SMAGP: variants seen among roughly 807,000 people sequenced by gnomAD.
The protein encoded by SMAGP is small cell transmembrane and glycosylated protein.
A neutral mutation model predicts 10.1 loss-of-function variants in SMAGP; 7 were observed. The observed-to-expected ratio is 0.70, with a 90% CI of 0.40 to 1.31. The LOEUF (loss-of-function observed/expected upper bound fraction) is 1.31, where lower values mean the gene tolerates loss of function less well. SMAGP is among the 50% of genes most tolerant of loss of function. The pLI, the probability that SMAGP is intolerant of heterozygous loss-of-function variation, is 0.01. For missense variants in SMAGP, 113 were observed against 116.5 expected (o/e 0.97, Z 0.14); for synonymous variants, 49 against 47.2 (o/e 1.04, Z -0.16).
intron 2 of SMAGP, among the ~76,000 whole-genome samples, chr12:51,252,233 A>G (rs927394534): frequency 6.6e-6 from 1 of 150,968 alleles, no homozygotes; most frequent in African/African-American, 2.4e-5. Flanking sequence ...AGCTGGGACT[A>G]CAGGCGCATG....
chr12:51,247,813 C>T (rs1944791872), intron 2 of SMAGP, among the ~76,000 whole-genome samples: 1 of 152,186 alleles, frequency 6.6e-6, no homozygotes, highest in East Asian at 1.9e-4. Context: ...AAAACAGACA[C>T]GGCCAGCTTC....
At position 51,245,983 on chromosome 12, in the gene SMAGP, ACT is replaced by A. The variant is rs1944763977; in HGVS notation, c.250_251del (p.Ser84Ter). On this transcript the variant is annotated frameshift_variant, in exon 4 of 4. Transcript: ENST00000603798. LOFTEE classifies it high-confidence loss of function. ...GEPSAIVQMESDLAKGSEKEE... is the reference protein window; with the variant it reads ...GEPSAIVQMEXDLAKGSEKEE... ...CTTTCTCGCTGCCCTTGGCCAAGTC[ACT>A]CTCCATCTGGACGATGGCACTGGGC... The A allele has an allele frequency of 1.2e-6, 2 of 1,613,476 alleles. No individual in the cohort carries two copies.
chr12:51,246,845 A>G lies in SMAGP; in HGVS notation c.35-14T>C, dbSNP rs766883286. ...TCATCAGTTCTTCTGGAAAATGTAG[A>G]AAAGTGGAAAAGGAAATGGAGTGAA... is the stretch of plus-strand genomic sequence containing the variant. On this transcript the variant is annotated splice_polypyrimidine_tract_variant and intron_variant, in intron 2 of 3. Coordinates refer to ENST00000603798, the MANE Select transcript of SMAGP (RefSeq NM_001031628.2). 1 of 1,539,330 alleles carries G rather than the reference A, an allele frequency of 6.5e-7. No individual in the cohort carries two copies. The highest frequency in any genetic ancestry group is 2.1e-5 in the Admixed American group (1 of 47,348).
intron 1 of SMAGP, chr12:51,269,929 C>A (rs572363708): frequency 6.6e-6 from 1 of 151,548 alleles, no homozygotes; most frequent in Non-Finnish European, 1.5e-5. Flanking sequence ...CACTGGGCCC[C>A]AGCCCGCGCC....
chr12:51,268,054 C>T (rs574737956), intron 2 of SMAGP, among the ~76,000 whole-genome samples: 5 of 152,226 alleles, frequency 3.3e-5, no homozygotes, highest in South Asian at 2.1e-4. Flanking sequence ...ATAGTTTGTC[C>T]GGCCCAGCCT....
At chr12:51,248,432 ACACTCTCTCTCTCTCTCTCTCT>A (rs1186240780) in intron 2 of SMAGP, among the ~76,000 whole-genome samples, 18 of 48,776 alleles carry the variant, frequency 3.7e-4, no homozygotes, top group South Asian at 7.5e-4. Flanking sequence ...ACACACACAC[ACACTCTCTCTCTCTCTCTCTCT>A]CTCTCTCTCT....
Position 51,260,905 on chromosome 12 carries a change from C to T in SMAGP, c.34+8340G>A, listed in dbSNP as rs1250605053. 2.6e-5 allele frequency among the ~76,000 whole-genome samples: 4 copies of T among 151,424 alleles called. No individual in the cohort carries two copies. The East Asian group carries it at 7.8e-4, about 30-fold the overall frequency. ...GTTTCACCATGTTAGCCAGGATGGTCTCGATCTCCTGACTTCGTGATCCAC... is the reference window on the plus strand; with the variant it reads ...GTTTCACCATGTTAGCCAGGATGGTTTCGATCTCCTGACTTCGTGATCCAC... On this transcript the variant is annotated intron_variant, in intron 2 of 3. Coordinates refer to ENST00000603798, the MANE Select transcript of SMAGP (RefSeq NM_001031628.2).
chr12:51,248,422 ACACACACACACACTCTCTCT>A (rs986590886), intron 2 of SMAGP, among the ~76,000 whole-genome samples: 10 of 111,292 alleles, frequency 9.0e-5, no homozygotes, highest in East Asian at 3.4e-4. Context: ...ACACACACAC[ACACACACACACACTCTCTCT>A]CTCTCTCTCT....
chr12:51,246,529 T>C (rs1944771849), intron 3 of SMAGP: 3 of 460,382 alleles, frequency 6.5e-6, no homozygotes, highest in Admixed American at 3.8e-5. Flanking sequence ...TCCGTATGCA[T>C]ATCTATTTGC....
rs1233934740 is a variant in SMAGP, at chr12:51,246,800, G to A, written c.66C>T (p.Pro22=). Residue 22 remains proline (P), a synonymous_variant, in exon 3 of 4, where the codon CCC becomes CCT. Transcript: ENST00000603798. ...EELMTTPILQ[P]TEALSPEDGA... ...CATCTTCTGGGGACAGGGCCTCAGT[G>A]GGCTGTAAAATTGGGGTGGTCATCA... 1 of 1,581,726 alleles carries A rather than the reference G, an allele frequency of 6.3e-7. No homozygotes were observed. Among genetic ancestry groups the A allele is most frequent in the South Asian group, 1.2e-5 (1 of 85,760 alleles).
intron 2 of SMAGP, among the ~76,000 whole-genome samples, chr12:51,268,060 A>G (rs1033939114): frequency 2.0e-5 from 3 of 152,210 alleles, no homozygotes; most frequent in African/African-American, 4.8e-5. Context: ...TGTCCGGCCC[A>G]GCCTGATGAT....
In SMAGP at chr12:51,266,039, G is replaced by A. The variant is rs368604278; in HGVS notation, c.34+3206C>T. Among the ~76,000 whole-genome samples the A allele has an allele frequency of 6.6e-5, 10 of 151,662 alleles. No homozygotes were observed. In the East Asian group the frequency reaches 1.2e-3, roughly 18 times the overall value. ...GGAGCTTGCAGTGAGCTGAGATGGC[G>A]CTACTGCACTCCAGCCTGGGTGACA... On this transcript the variant is annotated intron_variant, in intron 2 of 3. Transcript: ENST00000603798.
intron 2 of SMAGP, among the ~76,000 whole-genome samples, chr12:51,250,272 C>T (rs2137297561): frequency 6.6e-6 from 1 of 151,044 alleles, no homozygotes; most frequent in South Asian, 2.1e-4. Flanking sequence ...GTCCCAGATA[C>T]TCATGAGGCT....
At chr12:51,258,984 CAAAAAAAAAAAAA>C (rs35000436) in intron 2 of SMAGP, among the ~76,000 whole-genome samples, 2,381 of 51,156 alleles carry the variant, frequency 0.047, 67 homozygotes, top group African/African-American at 0.15. Context: ...CTGTCTCTAC[CAAAAAAAAAAAAA>C]AAAAAAAAAA....
At chr12:51,258,158 C>A (rs1944901990) in intron 2 of SMAGP, among the ~76,000 whole-genome samples, 1 of 151,830 alleles carries the variant, frequency 6.6e-6, no homozygotes, top group South Asian at 2.1e-4. Context: ...CAGACCCTGT[C>A]TCTCAAAAAA....
intron 2 of SMAGP, among the ~76,000 whole-genome samples, chr12:51,265,344 G>A (rs575596128): frequency 9.9e-5 from 15 of 151,224 alleles, no homozygotes; most frequent in African/African-American, 3.4e-4. Flanking sequence ...ATTACCACAT[G>A]ATATAGCAAT....
chr12:51,252,682 C>T (rs1944849777), intron 2 of SMAGP, among the ~76,000 whole-genome samples: 2 of 151,990 alleles, frequency 1.3e-5, no homozygotes, highest in South Asian at 2.1e-4. Flanking sequence ...TGAGCCACAT[C>T]GCCCCCCGAA....
At chr12:51,257,639 G>A (rs573657193) in intron 2 of SMAGP, among the ~76,000 whole-genome samples, 1 of 152,154 alleles carries the variant, frequency 6.6e-6, no homozygotes, top group African/African-American at 2.4e-5. Context: ...CCTCCTCCCA[G>A]GTTATAATGA....
intron 2 of SMAGP, chr12:51,251,373 G>A (rs1944836010): frequency 1.3e-5 from 2 of 149,944 alleles, no homozygotes; most frequent in Non-Finnish European, 2.9e-5. Context: ...TTGAGCCCAG[G>A]AGTTGGAGAC....
Sources: gnomAD v4.1 joint callset for allele counts (sites outside exome capture counted in the v4.1 genomes callset) on GRCh38, gnomAD v4.1.1 for gene constraint, MANE v1.5 for transcripts, NCBI Gene and HGNC (gene_info 2026-07-23, HGNC 2026-07-21) for gene names.